The following MORC3 variants were observed in gnomAD, a reference collection of about 807,000 sequenced individuals.
MORC3 encodes the protein MORC family CW-type zinc finger 3, also known as MORC family CW-type zinc finger protein 3.
In MORC3, 31 loss-of-function variants were observed where a neutral mutation model predicts 109.1. The observed-to-expected ratio is 0.28, with a 90% confidence interval of 0.21 to 0.38. The LOEUF (loss-of-function observed/expected upper bound fraction) is 0.38, where lower values mean the gene tolerates loss of function less well. MORC3 is among the 10% of genes least tolerant of loss of function. The pLI is 1.00. For synonymous variants in MORC3, 395 were observed against 380.7 expected (o/e 1.04, Z -0.44); for missense variants, 867 against 1,135.8 (o/e 0.76, Z 3.40).
chr21:36,327,151 A>ATTTT (rs2085256618), intron 1 of MORC3, among the ~76,000 whole-genome samples: 12 of 78,202 alleles, frequency 1.5e-4, no homozygotes, highest in African/African-American at 6.8e-4. Context: ...AATTGGCTTT[A>ATTTT]TTTCTTTTTT....
At chr21:36,333,554 T>G in intron 1 of MORC3, 92 bp from the exon 2 acceptor site, 2 of 1,009,524 alleles carry the variant, frequency 2.0e-6, no homozygotes, top group Non-Finnish European at 3.1e-6. Flanking sequence ...TTGTTTGGTC[T>G]CAATGTTGTT....
chr21:36,330,310 G>A (rs1231720665), intron 1 of MORC3, among the ~76,000 whole-genome samples: 2 of 152,124 alleles, frequency 1.3e-5, no homozygotes, highest in African/African-American at 2.4e-5. Context: ...CTTCCTCTGC[G>A]TAGTAAAACT....
At position 36,364,149 on chromosome 21, in the gene MORC3, T is replaced by C. The variant is rs760968035; in HGVS notation, c.1509T>C (p.Ser503=). 2.5e-6 allele frequency: 4 copies of C among 1,614,114 alleles called. No homozygotes were observed. In the South Asian group the frequency reaches 4.4e-5, roughly 18 times the overall value. Residue 503 remains serine, a synonymous_variant, in exon 14 of 17, where the codon TCT becomes TCC. Transcript: ENST00000400485. Reference sequence around the variant, plus strand: ...CTCTTTCAACTCCAAGCTTTTCTTCTCCTAAGGAAAGTGTTCCAAGAAGAC... The same window carrying C: ...CTCTTTCAACTCCAAGCTTTTCTTCCCCTAAGGAAAGTGTTCCAAGAAGAC... The part of the protein sequence containing the change: ...PTALSTPSFS[S]PKESVPRRHL...
rs184819281 is a variant in MORC3 at position 36,345,700 on chromosome 21, G to A, written c.1005+669G>A. Among the ~76,000 whole-genome samples the A allele has an allele frequency of 5.9e-5, 9 of 152,284 alleles. No individual in the cohort carries two copies. In the South Asian group the frequency reaches 1.2e-3, roughly 21 times the overall value. ...CTCCCAAAGTTCTGGGATTACAAGC[G>A]TGTGCCACCGCACTCGGCCAGTTGT... On this transcript the variant is annotated intron_variant, in intron 8 of 16. Transcript: ENST00000400485.
chr21:36,351,023 A>G (rs1001921637), intron 9 of MORC3, among the ~76,000 whole-genome samples: 2 of 142,688 alleles, frequency 1.4e-5, no homozygotes, highest in Non-Finnish European at 3.0e-5. Context: ...TGAAATATAT[A>G]TATAAGATGT....
chr21:36,327,554 CGAAA>C (rs1457439026), intron 1 of MORC3, among the ~76,000 whole-genome samples: 2 of 150,774 alleles, frequency 1.3e-5, no homozygotes, highest in African/African-American at 5.0e-5. Flanking sequence ...AGAAAAAGGC[CGAAA>C]GAAAGCAGAA....
At chr21:36,374,429 T>C (rs1208625083) in intron 16 of MORC3, among the ~76,000 whole-genome samples, 1 of 152,140 alleles carries the variant, frequency 6.6e-6, no homozygotes, top group Non-Finnish European at 1.5e-5. Flanking sequence ...AACACAATGT[T>C]TTGCAAGCTT....
chr21:36,350,234 G>A, intron 9 of MORC3, among the ~76,000 whole-genome samples: 1 of 152,102 alleles, frequency 6.6e-6, no homozygotes, highest in Non-Finnish European at 1.5e-5. Flanking sequence ...TTGAGCCTGG[G>A]AAGGTGGAGT....
At position 36,372,308 on chromosome 21, in the gene MORC3, A is replaced by C. The variant is rs375732048; in HGVS notation, c.2509-66A>C. 47 of 1,400,644 alleles carry C rather than the reference A, an allele frequency of 3.4e-5. No individual in the cohort carries two copies. The East Asian group carries it at 9.0e-4, about 27-fold the overall frequency. The allele number at this position is 1,400,644 out of a possible 1,614,324, so 86.8% of individuals were successfully genotyped here. ...CAAGCAGGTTCTCTATATTAGCTTG[A>C]AATTTCACTTTGCCATTAGTATTTT... On this transcript the variant is annotated intron_variant, in intron 15 of 16. Transcript: ENST00000400485.
Position 36,347,086 on chromosome 21 carries a change from G to A in MORC3, c.1005+2055G>A, listed in dbSNP as rs180676726. Reference sequence around the variant, plus strand: ...CAAGTTGCTTAAGACATAACAGCGTGGATCTCAGACACAAACACATCATTT... The same window carrying A: ...CAAGTTGCTTAAGACATAACAGCGTAGATCTCAGACACAAACACATCATTT... On this transcript the variant is annotated intron_variant, in intron 8 of 16. Coordinates refer to ENST00000400485, the MANE Select transcript of MORC3 (RefSeq NM_015358.3). Among the ~76,000 whole-genome samples, 10 of 151,858 alleles carry A rather than the reference G, an allele frequency of 6.6e-5. No individual in the cohort carries two copies. The East Asian group carries it at 1.9e-3, about 29-fold the overall frequency.
intron 6 of MORC3, among the ~76,000 whole-genome samples, chr21:36,344,330 A>G (rs903371995): frequency 6.6e-6 from 1 of 152,214 alleles, no homozygotes; most frequent in African/African-American, 2.4e-5. Context: ...TCACTTAGTA[A>G]TAAATATATC....
Position 36,376,041 on chromosome 21 carries a change from CA to C in MORC3, c.*746del, listed in dbSNP as rs1638685167. On this transcript the variant is annotated 3_prime_UTR_variant, in exon 17 of 17. Transcript: ENST00000400485. ...GGCTGTTTAGTCAGCATGAAGTGGG[CA>C]TGATAATTTTTTAATATTTCTTTTT... 6.6e-6 allele frequency: 1 copy of C among 152,174 alleles called. No individual in the cohort carries two copies. The highest frequency in any genetic ancestry group is 2.1e-4 in the South Asian group (1 of 4,832). 9.4% of individuals were successfully genotyped at this position (152,174 alleles called of 1,614,324 possible).
intron 13 of MORC3, among the ~76,000 whole-genome samples, chr21:36,363,198 C>T (rs1006247627): frequency 1.3e-5 from 2 of 152,086 alleles, no homozygotes; most frequent in Non-Finnish European, 2.9e-5. Context: ...GGTGGGCGAT[C>T]ACTTGAGGCC....
chr21:36,370,762 C>T (rs990891884), intron 15 of MORC3, among the ~76,000 whole-genome samples: 3 of 149,508 alleles, frequency 2.0e-5, no homozygotes, highest in African/African-American at 4.9e-5. Context: ...CTCCACCTCC[C>T]GAGTTCAAGC....
intron 9 of MORC3, among the ~76,000 whole-genome samples, chr21:36,349,778 C>T (rs907648714): frequency 2.0e-5 from 3 of 152,182 alleles, no homozygotes; most frequent in Admixed American, 2.0e-4. Context: ...CCAATGCTGG[C>T]CTATAGACGT....
At chr21:36,336,032 TCTC>T (rs1400848252) in intron 2 of MORC3, among the ~76,000 whole-genome samples, 1 of 151,808 alleles carries the variant, frequency 6.6e-6, no homozygotes, top group African/African-American at 2.4e-5. Context: ...TTCAAGCAAT[TCTC>T]CTGCCTCAGC....
chr21:36,325,731 G>A (rs910080882), intron 1 of MORC3, among the ~76,000 whole-genome samples: 1 of 152,176 alleles, frequency 6.6e-6, no homozygotes, highest in South Asian at 2.1e-4. Flanking sequence ...TGGTCTGAAA[G>A]TATTAAATGG....
At chr21:36,346,155 G>T (rs1202406683) in intron 8 of MORC3, among the ~76,000 whole-genome samples, 2 of 152,162 alleles carry the variant, frequency 1.3e-5, no homozygotes, top group African/African-American at 4.8e-5. Context: ...CAAGTAGCTG[G>T]GACTACTGGC....
At chr21:36,364,488 C>T (rs2085755683) in intron 14 of MORC3, among the ~76,000 whole-genome samples, 1 of 152,130 alleles carries the variant, frequency 6.6e-6, no homozygotes, top group Non-Finnish European at 1.5e-5. Flanking sequence ...AATTGACCAG[C>T]CTGGCCAACA....
Sources: allele counts gnomAD v4.1 joint callset (sites outside exome capture counted in the v4.1 genomes callset), GRCh38; gene constraint gnomAD v4.1.1; transcripts MANE v1.5; gene names NCBI Gene and HGNC (gene_info 2026-07-23, HGNC 2026-07-21).